Variants in SHANK2 observed in about 807,000 individuals in gnomAD.
SHANK2 encodes the protein SH3 and multiple ankyrin repeat domains protein 2.
A neutral mutation model predicts 133.7 loss-of-function variants in SHANK2; 43 were observed. That is an observed-to-expected ratio of 0.32 (90% CI 0.25 to 0.41). The LOEUF (loss-of-function observed/expected upper bound fraction) is 0.41. Ranked by LOEUF, SHANK2 falls within the 10% of genes least tolerant of loss-of-function variation. The pLI is 1.00. For synonymous variants in SHANK2, 1,017 were observed against 952.8 expected (o/e 1.07, Z -1.24); for missense variants, 1,994 against 2,235.8 (o/e 0.89, Z 2.18).
intron 11 of SHANK2, among the ~76,000 whole-genome samples, chr11:70,876,614 CACACACACATGCAT>C (rs1400431069): frequency 7.2e-6 from 1 of 138,186 alleles, no homozygotes; most frequent in Non-Finnish European, 1.5e-5. Flanking sequence ...CACACACGCA[CACACACACATGCAT>C]ACACATGCAT....
At chr11:70,545,317 C>T (rs782338829) in intron 17 of SHANK2, among the ~76,000 whole-genome samples, 32 of 152,230 alleles carry the variant, frequency 2.1e-4, no homozygotes, top group Non-Finnish European at 2.5e-4. Flanking sequence ...CTGTCTGCAG[C>T]TCCTGCTCCA....
At chr11:71,087,533 G>A (rs1336263965) in intron 8 of SHANK2, among the ~76,000 whole-genome samples, 1 of 152,202 alleles carries the variant, frequency 6.6e-6, no homozygotes, top group Non-Finnish European at 1.5e-5. Context: ...GCACTGTGAT[G>A]TCTAAAGGGA....
At chr11:71,077,670 G>A (rs917509465) in intron 8 of SHANK2, among the ~76,000 whole-genome samples, 11 of 152,012 alleles carry the variant, frequency 7.2e-5, no homozygotes, top group African/African-American at 1.4e-4. Context: ...GTTGAGGCAC[G>A]GAGCTCACAC....
chr11:70,707,372 CAAAAAA>C (rs1172194976), intron 14 of SHANK2, among the ~76,000 whole-genome samples: 15 of 57,882 alleles, frequency 2.6e-4, no homozygotes, highest in African/African-American at 1.1e-3. Flanking sequence ...AACTCCATCT[CAAAAAA>C]AAAAAAAAAA....
At chr11:70,910,213 C>T (rs1950170512) in intron 10 of SHANK2, among the ~76,000 whole-genome samples, 1 of 152,192 alleles carries the variant, frequency 6.6e-6, no homozygotes, top group African/African-American at 2.4e-5. Flanking sequence ...GGCTTCAATG[C>T]AGGAATTTAG....
intron 3 of SHANK2, among the ~76,000 whole-genome samples, chr11:71,132,111 C>A (rs1251432849): frequency 1.3e-5 from 2 of 152,164 alleles, no homozygotes; most frequent in African/African-American, 4.8e-5. Flanking sequence ...GCTGCCGGGA[C>A]GCAGATGCTG....
intron 15 of SHANK2, chr11:70,662,057 C>T (rs1210426722): frequency 1.0e-5 from 5 of 496,790 alleles, no homozygotes; most frequent in African/African-American, 1.9e-5. Flanking sequence ...GCGGCAGCGG[C>T]GGCCTCAGCA....
intron 17 of SHANK2, among the ~76,000 whole-genome samples, chr11:70,620,329 C>T (rs966065740): frequency 7.2e-5 from 11 of 152,284 alleles, no homozygotes; most frequent in South Asian, 4.1e-4. Context: ...CTCATCAGAA[C>T]AAAAATGTAA....
chr11:70,587,887 T>C (rs782786016), intron 17 of SHANK2, among the ~76,000 whole-genome samples: 15 of 152,094 alleles, frequency 9.9e-5, no homozygotes, highest in Admixed American at 7.9e-4. Context: ...AGTAAATCTG[T>C]TGGTGCCATT....
At chr11:71,217,959 T>C (rs1171830128) in intron 2 of SHANK2, among the ~76,000 whole-genome samples, 3 of 152,152 alleles carry the variant, frequency 2.0e-5, no homozygotes, top group African/African-American at 7.2e-5. Flanking sequence ...CACACCATTA[T>C]CCTGCCTCAG....
At chr11:70,856,324 G>A (rs1281212165) in intron 11 of SHANK2, among the ~76,000 whole-genome samples, 3 of 152,092 alleles carry the variant, frequency 2.0e-5, no homozygotes, top group Non-Finnish European at 4.4e-5. Flanking sequence ...ATGGGCAGAT[G>A]GGTGGTTAGG....
chr11:70,793,045 G>T (rs1555048401), intron 14 of SHANK2, among the ~76,000 whole-genome samples: 1 of 152,136 alleles, frequency 6.6e-6, no homozygotes, highest in East Asian at 1.9e-4. Context: ...GACACAGCAA[G>T]ACCCTGACTC....
intron 14 of SHANK2, among the ~76,000 whole-genome samples, chr11:70,791,695 T>A (rs782215361): frequency 1.3e-5 from 2 of 152,150 alleles, no homozygotes; most frequent in Non-Finnish European, 2.9e-5. Flanking sequence ...TCACTGGCAG[T>A]CACACCAGGA....
intron 2 of SHANK2, among the ~76,000 whole-genome samples, chr11:71,201,404 C>A (rs545541303): frequency 6.6e-6 from 1 of 152,360 alleles, no homozygotes; most frequent in East Asian, 1.9e-4. Flanking sequence ...GAGATTGCGC[C>A]GAGCTGGCGT....
chr11:71,071,721 A>C (rs1438080139), intron 9 of SHANK2, among the ~76,000 whole-genome samples: 1 of 152,200 alleles, frequency 6.6e-6, no homozygotes, highest in African/African-American at 2.4e-5. Flanking sequence ...GGACTCCAGC[A>C]GAGTGGCTGG....
intron 21 of SHANK2, among the ~76,000 whole-genome samples, chr11:70,496,763 AGCCCTGG>A (rs1210931762): frequency 6.6e-6 from 1 of 150,402 alleles, no homozygotes; most frequent in Non-Finnish European, 1.5e-5. Flanking sequence ...TGGGCTGCCC[AGCCCTGG>A]GCCCTGGTGG....
chr11:70,685,075 T>C (rs1945115584), intron 15 of SHANK2, among the ~76,000 whole-genome samples: 1 of 151,994 alleles, frequency 6.6e-6, no homozygotes, highest in South Asian at 2.1e-4. Flanking sequence ...GTCCAAGCCA[T>C]TCCCCCAGAT....
Position 70,903,643 on chromosome 11 carries a change from G to A in SHANK2, c.1108-7076C>T, listed in dbSNP as rs551132437. ...GTCCACGAGGGGCTGGGGTCCCGGG[G>A]CTCGAGGTTGGTTCAGACCCCTGCC... On this transcript the variant is annotated intron_variant, in intron 10 of 25. Coordinates refer to ENST00000601538, the MANE Select transcript of SHANK2 (RefSeq NM_012309.5). 3.7e-3 allele frequency among the ~76,000 whole-genome samples: 560 copies of A among 152,166 alleles called. 2 individuals are homozygous for A. Among genetic ancestry groups the A allele is most frequent in the Non-Finnish European group, 6.7e-3 (454 of 68,000 alleles).
intron 14 of SHANK2, among the ~76,000 whole-genome samples, chr11:70,703,358 G>A (rs1161530918): frequency 6.6e-6 from 1 of 152,236 alleles, no homozygotes; most frequent in African/African-American, 2.4e-5. Flanking sequence ...GGCATCTCAT[G>A]AGCGACCCGT....
Sources: allele counts gnomAD v4.1 joint callset (sites outside exome capture counted in the v4.1 genomes callset), GRCh38; gene constraint gnomAD v4.1.1; transcripts MANE v1.5; gene names NCBI Gene and HGNC (gene_info 2026-07-23, HGNC 2026-07-21).